The following DIS3L2 variants were observed in gnomAD, a reference collection of about 807,000 sequenced individuals.
DIS3L2 encodes DIS3 like 3'-5' exoribonuclease 2.
DIS3L2 carries 34 observed loss-of-function variants against 97.5 expected under a neutral mutation model. The ratio of observed to expected loss-of-function variants is 0.35; its 90% confidence interval spans 0.27 to 0.46. The LOEUF is 0.46. DIS3L2 is among the 20% of genes least tolerant of loss of function. The pLI, the probability that DIS3L2 is intolerant of heterozygous loss-of-function variation, is 1.00. For missense variants in DIS3L2, 1,038 were observed against 1,146.0 expected, an observed-to-expected ratio of 0.91 and a Z score of 1.36; for synonymous variants, 435 against 445.2, an observed-to-expected ratio of 0.98 and a Z score of 0.29.
intron 6 of DIS3L2, among the ~76,000 whole-genome samples, chr2:232,112,301 C>A (rs1411857874): frequency 1.3e-5 from 2 of 152,338 alleles, no homozygotes; most frequent in Non-Finnish European, 2.9e-5. Context: ...CAGCAAACTT[C>A]ACGTAAGTGA....
At chr2:232,342,242 CATAT>C (rs558037089) in intron 13 of DIS3L2, among the ~76,000 whole-genome samples, 5 of 143,922 alleles carry the variant, frequency 3.5e-5, no homozygotes, top group Non-Finnish European at 7.4e-5. Flanking sequence ...TACACATACA[CATAT>C]ATACACATAC....
chr2:232,006,025 T>C (rs1212718418), intron 1 of DIS3L2, among the ~76,000 whole-genome samples: 1 of 152,000 alleles, frequency 6.6e-6, no homozygotes, highest in African/African-American at 2.4e-5. Flanking sequence ...CTGTCTCTAC[T>C]AAAAATACAA....
At chr2:232,250,376 G>A (rs1693384771) in intron 12 of DIS3L2, among the ~76,000 whole-genome samples, 1 of 151,900 alleles carries the variant, frequency 6.6e-6, no homozygotes, top group Non-Finnish European at 1.5e-5. Flanking sequence ...AGGACAAAGA[G>A]AGTGGGAGAG....
At chr2:232,169,522 G>T (rs975884535) in intron 9 of DIS3L2, among the ~76,000 whole-genome samples, 7 of 152,130 alleles carry the variant, frequency 4.6e-5, no homozygotes, top group African/African-American at 1.7e-4. Flanking sequence ...GGTGCATGAG[G>T]TGAGATCTGA....
At position 232,264,025 on chromosome 2, in the gene DIS3L2, A is replaced by G. The variant is rs528065437; in HGVS notation, c.1659+585A>G. On this transcript the variant is annotated intron_variant, in intron 13 of 20. Coordinates refer to ENST00000325385, the MANE Select transcript of DIS3L2 (RefSeq NM_152383.5). ...CCAGGGCCCAGTTTCGTGGAAGACA[A>G]TTTTTCCACAGACCAGGGGTAGGGG... 2.2e-4 allele frequency among the ~76,000 whole-genome samples: 33 copies of G among 152,264 alleles called. 1 individual carries two copies. Among genetic ancestry groups the G allele is most frequent in the Admixed American group, 1.6e-3 (24 of 15,304 alleles).
At chr2:232,334,300 C>A (rs1462619660) in intron 17 of DIS3L2, 69 bp from the exon 18 acceptor site, 3 of 1,542,888 alleles carry the variant, frequency 1.9e-6, no homozygotes, top group Non-Finnish European at 2.6e-6. Context: ...GCCATGCAGC[C>A]CATCCCCCAG....
intron 15 of DIS3L2, 125 bp from the exon 16 acceptor site, chr2:232,330,565 G>T (rs1695705388): frequency 3.0e-6 from 3 of 985,178 alleles, no homozygotes; most frequent in African/African-American, 1.6e-5. Flanking sequence ...CTCTGAGCAG[G>T]GCTGAGCCCC....
chr2:232,132,413 T>C (rs1037490920), intron 7 of DIS3L2, among the ~76,000 whole-genome samples: 1 of 152,108 alleles, frequency 6.6e-6, no homozygotes, highest in Non-Finnish European at 1.5e-5. Flanking sequence ...TTTTTCTTGC[T>C]CCTCCCACTG....
intron 6 of DIS3L2, among the ~76,000 whole-genome samples, chr2:232,106,513 CA>C (rs1697361317): frequency 6.6e-6 from 1 of 152,056 alleles, no homozygotes; most frequent in African/African-American, 2.4e-5. Flanking sequence ...AGAAGAGTTG[CA>C]TTACATAATG....
At chr2:232,212,592 G>T (rs780044712) in intron 10 of DIS3L2, among the ~76,000 whole-genome samples, 6 of 152,150 alleles carry the variant, frequency 3.9e-5, no homozygotes, top group Non-Finnish European at 7.3e-5. Flanking sequence ...GGACAAACTC[G>T]GGACAAATTT....
Position 232,148,748 on chromosome 2 carries a change from C to CTTTTT in DIS3L2, c.950+12049_950+12053dup, listed in dbSNP as rs34837114. The stretch of plus-strand genomic sequence containing the variant: ...ATTTTTTTTCTCCTTAATTTTCTTT[C>CTTTTT]TTTTTTTTTTTTTTTTTTTTTTTTA... On this transcript the variant is annotated intron_variant, in intron 8 of 20. Transcript: ENST00000325385. 1.9e-3 allele frequency among the ~76,000 whole-genome samples: 186 copies of CTTTTT among 98,750 alleles called. 1 individual carries two copies. The highest frequency in any genetic ancestry group is 3.4e-3 in the African/African-American group (88 of 25,712). 64.8% of individuals were successfully genotyped at this position (98,750 alleles called of 152,430 possible).
chr2:232,264,488 C>T (rs1214095103), intron 13 of DIS3L2, among the ~76,000 whole-genome samples: 1 of 152,310 alleles, frequency 6.6e-6, no homozygotes, highest in East Asian at 1.9e-4. Context: ...CATTGCTTGT[C>T]AGTATATTAC....
intron 5 of DIS3L2, among the ~76,000 whole-genome samples, chr2:232,060,337 G>A (rs1482130807): frequency 1.3e-5 from 2 of 152,014 alleles, no homozygotes; most frequent in African/African-American, 4.8e-5. Flanking sequence ...AGTTTCTTCA[G>A]TGTTTTCTTT....
chr2:232,312,760 T>G (rs191063464), intron 14 of DIS3L2, among the ~76,000 whole-genome samples: 4 of 152,366 alleles, frequency 2.6e-5, no homozygotes, highest in Non-Finnish European at 5.9e-5. Flanking sequence ...AGAGCTTCTT[T>G]AATTTTTCTC....
chr2:232,341,010 T>C, downstream of DIS3L2: 1 of 456,934 alleles, frequency 2.2e-6, no homozygotes. Context: ...GAGAGGAGGT[T>C]GCTCCAAAAA....
At chr2:232,270,592 C>T (rs964018567) in intron 13 of DIS3L2, among the ~76,000 whole-genome samples, 1 of 149,462 alleles carries the variant, frequency 6.7e-6, no homozygotes, top group Non-Finnish European at 1.5e-5. Flanking sequence ...ATAATAGTAC[C>T]ATGGCCATGG....
intron 6 of DIS3L2, among the ~76,000 whole-genome samples, chr2:232,108,001 G>A (rs552565944): frequency 9.2e-4 from 139 of 151,900 alleles, no homozygotes; most frequent in Non-Finnish European, 1.7e-3. Context: ...CCAAAAAATT[G>A]AAAAAGGGGA....
At chr2:232,059,118 T>G (rs1695630588) in intron 5 of DIS3L2, among the ~76,000 whole-genome samples, 1 of 152,166 alleles carries the variant, frequency 6.6e-6, no homozygotes, top group Non-Finnish European at 1.5e-5. Context: ...CTGTAAAAAT[T>G]TGTTCTTGGC....
chr2:232,034,577 T>A (rs547474438), intron 5 of DIS3L2, among the ~76,000 whole-genome samples: 164 of 152,336 alleles, frequency 1.1e-3, no homozygotes, highest in Non-Finnish European at 1.8e-3. Context: ...TGATTTTAAA[T>A]TTTTCCCGCT....
Sources: gnomAD v4.1 joint callset for allele counts (sites outside exome capture counted in the v4.1 genomes callset) on GRCh38, gnomAD v4.1.1 for gene constraint, MANE v1.5 for transcripts, NCBI Gene and HGNC (gene_info 2026-07-23, HGNC 2026-07-21) for gene names.